The following NEMP2 variants were observed in gnomAD, a reference collection of about 807,000 sequenced individuals.
NEMP2 encodes the protein UPF0571 transmembrane protein.
NEMP2 carries 53 observed loss-of-function variants against 54.2 expected under a neutral mutation model. The ratio of observed to expected loss-of-function variants is 0.98; its 90% CI spans 0.78 to 1.23. The LOEUF (loss-of-function observed/expected upper bound fraction) is 1.23. Ranked by LOEUF, NEMP2 falls within the 50% of genes most tolerant of loss-of-function variation. The pLI is 0.00. For synonymous variants in NEMP2, 197 were observed against 190.3 expected (o/e 1.04, Z -0.29); for missense variants, 455 against 511.3 (o/e 0.89, Z 1.06).
At position 190,509,292 on chromosome 2, in the gene NEMP2, C is replaced by G; in HGVS notation, c.1151G>C (p.Gly384Ala). 6.4e-7 allele frequency: 1 copy of G among 1,551,662 alleles called. No individual in the cohort carries two copies. The highest frequency in any genetic ancestry group is 2.4e-5 in the East Asian group (1 of 40,916). ...TTCTTCAGGTGACAAGTGGCTTCCTCCAAGAACAAAGTCTGCAAATCTAAC... is the reference window on the plus strand; with the variant it reads ...TTCTTCAGGTGACAAGTGGCTTCCTGCAAGAACAAAGTCTGCAAATCTAAC... ...TPSKFADFVL[G>A]GSHLSPEEIS... Residue 384 changes from glycine to alanine, a missense_variant, in exon 9 of 9, where the codon GGA becomes GCA. Coordinates refer to ENST00000409150, the MANE Select transcript of NEMP2 (RefSeq NM_001142645.2). This position sits in a 1 kb window ranked among gnomAD's most constrained non-coding sequence, Gnocchi z 6.1.
chr2:190,534,781 A>C (rs919679152), upstream of NEMP2: 12 of 645,412 alleles, frequency 1.9e-5, no homozygotes, highest in Non-Finnish European at 2.6e-5. Context: ...GGAAAGGCGG[A>C]GACCCCGCCT....
Position 190,505,363 on chromosome 2 carries a change from C to T in NEMP2, c.*3826G>A, listed in dbSNP as rs1340125690. On this transcript the variant is annotated 3_prime_UTR_variant, in exon 9 of 9. Transcript: ENST00000409150. The surrounding 1 kb of genome is among the most constrained non-coding windows in gnomAD (Gnocchi z 5.8). Reference sequence around the variant, plus strand: ...AAAATGAAAATACCAAAACATATCACAGAGTGGTCATGAGGTGCAAATTAA... The same window carrying T: ...AAAATGAAAATACCAAAACATATCATAGAGTGGTCATGAGGTGCAAATTAA... 1 of 152,184 alleles carries T rather than the reference C, an allele frequency of 6.6e-6. No homozygotes were observed. Among genetic ancestry groups the T allele is most frequent in the Non-Finnish European group, 1.5e-5 (1 of 68,048 alleles). 9.4% of individuals were successfully genotyped at this position (152,184 alleles called of 1,614,324 possible).
Position 190,510,280 on chromosome 2 carries a change from A to G in NEMP2, c.1130+81T>C. ...AGGGAAACAGTCTATTTCTACCCTGAAGTGCCTGTACCAAACCATCATATT... is the reference window on the plus strand; with the variant it reads ...AGGGAAACAGTCTATTTCTACCCTGGAGTGCCTGTACCAAACCATCATATT... On this transcript the variant is annotated intron_variant, in intron 8 of 8. Coordinates refer to ENST00000409150, the MANE Select transcript of NEMP2 (RefSeq NM_001142645.2). The surrounding 1 kb of genome is among the most constrained non-coding windows in gnomAD (Gnocchi z 5.7). 6.8e-7 allele frequency: 1 copy of G among 1,474,574 alleles called. No homozygotes were observed. Among genetic ancestry groups the G allele is most frequent in the Non-Finnish European group, 9.2e-7 (1 of 1,089,550 alleles). The allele number at this position is 1,474,574 out of a possible 1,614,324, so 91.3% of individuals were successfully genotyped here. A position where few individuals can be genotyped will look rare whatever the true frequency, so the allele number is the denominator to read the frequency against.
the NEMP2 span, among the ~76,000 whole-genome samples, chr2:190,468,398 A>G: frequency 1.3e-5 from 2 of 150,180 alleles, no homozygotes; most frequent in East Asian, 3.9e-4. Flanking sequence ...GTCTGAGAGC[A>G]TTTCCCTTTG....
chr2:190,460,620 G>A, the NEMP2 span, among the ~76,000 whole-genome samples: 1 of 152,240 alleles, frequency 6.6e-6, no homozygotes, highest in Non-Finnish European at 1.5e-5. Flanking sequence ...CATGCAGAAT[G>A]CAGTCAGGTT....
the NEMP2 span, among the ~76,000 whole-genome samples, chr2:190,579,293 G>A: frequency 6.6e-6 from 1 of 151,324 alleles, no homozygotes; most frequent in Non-Finnish European, 1.5e-5. Context: ...ACACATGGGT[G>A]ACAGATTTTA....
chr2:190,432,743 G>A, the NEMP2 span, among the ~76,000 whole-genome samples: 1 of 152,080 alleles, frequency 6.6e-6, no homozygotes, highest in African/African-American at 2.4e-5. Context: ...ACTTTCCAGA[G>A]GAAAATAACC....
At position 190,515,844 on chromosome 2, in the gene NEMP2, A is replaced by C. The variant is rs563974831; in HGVS notation, c.727+426T>G. 4.6e-5 allele frequency among the ~76,000 whole-genome samples: 7 copies of C among 152,324 alleles called. No homozygotes were observed. The East Asian group carries it at 1.2e-3, about 25-fold the overall frequency. On this transcript the variant is annotated intron_variant, in intron 6 of 8. Coordinates refer to ENST00000409150, the MANE Select transcript of NEMP2 (RefSeq NM_001142645.2). Reference sequence around the variant, plus strand: ...TTTCTTAGCCTCTGTGTTTCTGAAAAGGCAAGTTTTCATTAGTAATTTATA... The same window carrying C: ...TTTCTTAGCCTCTGTGTTTCTGAAACGGCAAGTTTTCATTAGTAATTTATA...
chr2:190,642,758 T>C, the NEMP2 span, among the ~76,000 whole-genome samples: 1 of 152,110 alleles, frequency 6.6e-6, no homozygotes, highest in South Asian at 2.1e-4. The surrounding 1 kb of genome is among the most constrained non-coding windows in gnomAD (Gnocchi z 4.1). Context: ...TCTGAGGCAA[T>C]AATAGACGAG....
the NEMP2 span, among the ~76,000 whole-genome samples, chr2:190,496,406 T>TATGGAAAACA: frequency 6.6e-6 from 1 of 152,144 alleles, no homozygotes; most frequent in African/African-American, 2.4e-5. The surrounding 1 kb of genome is among the most constrained non-coding windows in gnomAD (Gnocchi z 4.7). Flanking sequence ...GTACAAACAC[T>TATGGAAAACA]ATGGAAAACA....
the NEMP2 span, among the ~76,000 whole-genome samples, chr2:190,494,933 T>C: frequency 1.2e-4 from 18 of 152,018 alleles, no homozygotes; most frequent in African/African-American, 3.6e-4. The surrounding 1 kb of genome is among the most constrained non-coding windows in gnomAD (Gnocchi z 5.7). Flanking sequence ...CCTCTGAAAA[T>C]TGGAACAAGA....
chr2:190,552,689 C>T, the NEMP2 span, among the ~76,000 whole-genome samples: 1 of 151,090 alleles, frequency 6.6e-6, no homozygotes, highest in Admixed American at 6.6e-5. Context: ...CACTGCACTC[C>T]AGCTTGGGCA....
chr2:190,471,075 T>A, the NEMP2 span, among the ~76,000 whole-genome samples: 1 of 152,170 alleles, frequency 6.6e-6, no homozygotes, highest in Non-Finnish European at 1.5e-5. This position sits in a 1 kb window ranked among gnomAD's most constrained non-coding sequence, Gnocchi z 4.7. Context: ...GAGGCACACA[T>A]CTCAGTTTTG....
chr2:190,485,803 T>TAAA, the NEMP2 span, among the ~76,000 whole-genome samples: 1 of 144,552 alleles, frequency 6.9e-6, no homozygotes, highest in African/African-American at 2.5e-5. The surrounding 1 kb of genome is among the most constrained non-coding windows in gnomAD (Gnocchi z 5.1). Flanking sequence ...TCTTACTAGT[T>TAAA]AAAAAAAAAA....
chr2:190,485,106 C>G, the NEMP2 span, among the ~76,000 whole-genome samples: 1 of 152,160 alleles, frequency 6.6e-6, no homozygotes, highest in Non-Finnish European at 1.5e-5. This position sits in a 1 kb window ranked among gnomAD's most constrained non-coding sequence, Gnocchi z 5.1. Flanking sequence ...AGCATCCTGA[C>G]TTAAGTCATC....
At chr2:190,449,255 C>G in the NEMP2 span, among the ~76,000 whole-genome samples, 1 of 152,160 alleles carries the variant, frequency 6.6e-6, no homozygotes, top group Non-Finnish European at 1.5e-5. Context: ...AGGTGGATCA[C>G]CTGAGGTCAG....
the NEMP2 span, among the ~76,000 whole-genome samples, chr2:190,498,931 C>T: frequency 6.6e-6 from 1 of 151,950 alleles, no homozygotes; most frequent in Admixed American, 6.6e-5. This position sits in a 1 kb window ranked among gnomAD's most constrained non-coding sequence, Gnocchi z 5.9. Context: ...GGGTGGATCA[C>T]GAGGTCAGGA....
At chr2:190,438,531 C>T in the NEMP2 span, among the ~76,000 whole-genome samples, 1 of 152,290 alleles carries the variant, frequency 6.6e-6, no homozygotes, top group East Asian at 1.9e-4. The surrounding 1 kb of genome is among the most constrained non-coding windows in gnomAD (Gnocchi z 5.2). Flanking sequence ...AGAGAACACC[C>T]TGTAAGTGCC....
chr2:190,563,418 G>A, the NEMP2 span, among the ~76,000 whole-genome samples: 4 of 152,172 alleles, frequency 2.6e-5, no homozygotes, highest in African/African-American at 7.2e-5. The surrounding 1 kb of genome is among the most constrained non-coding windows in gnomAD (Gnocchi z 4.3). Context: ...TGCTTTGGGC[G>A]GTAGTGGCGG....
Sources: allele counts gnomAD v4.1 joint callset (sites outside exome capture counted in the v4.1 genomes callset), GRCh38; gene constraint gnomAD v4.1.1; non-coding constraint Gnocchi (gnomAD v3.1); transcripts MANE v1.5; gene names NCBI Gene and HGNC (gene_info 2026-07-23, HGNC 2026-07-21).